The following MYLK variants were observed in gnomAD, a reference collection of about 807,000 sequenced individuals.
MYLK encodes the protein myosin light chain kinase.
In MYLK, 106 loss-of-function variants were observed where a neutral mutation model predicts 203.4. The ratio of observed to expected loss-of-function variants is 0.52; its 90% CI spans 0.45 to 0.61. The LOEUF is 0.61. Ranked by LOEUF, MYLK falls within the 20% of genes least tolerant of loss-of-function variation. MYLK has a pLI of 0.00. For missense variants in MYLK, 2,072 were observed against 2,442.3 expected (o/e 0.85, Z 3.20); for synonymous variants, 867 against 959.5 (o/e 0.90, Z 1.78).
At chr3:123,771,916 G>A (rs1036745386) in intron 4 of MYLK, among the ~76,000 whole-genome samples, 1 of 152,144 alleles carries the variant, frequency 6.6e-6, no homozygotes, top group Non-Finnish European at 1.5e-5. Context: ...TCTAATGAGT[G>A]GGTATCATTT....
intron 4 of MYLK, among the ~76,000 whole-genome samples, chr3:123,765,430 C>T (rs2063672163): frequency 6.6e-6 from 1 of 150,678 alleles, no homozygotes; most frequent in Non-Finnish European, 1.5e-5. Context: ...ACTTGGGAGG[C>T]AGAGGCAGGA....
intron 4 of MYLK, among the ~76,000 whole-genome samples, chr3:123,779,894 G>C (rs2109025511): frequency 6.6e-6 from 1 of 152,268 alleles, no homozygotes; most frequent in South Asian, 2.1e-4. Flanking sequence ...GCATGTAGAG[G>C]GTGTGGGAAG....
intron 2 of MYLK, among the ~76,000 whole-genome samples, chr3:123,851,483 G>C (rs1350306798): frequency 2.6e-5 from 4 of 152,216 alleles, no homozygotes; most frequent in African/African-American, 9.6e-5. Context: ...TGGATTCCTA[G>C]GTATTTTATT....
intron 2 of MYLK, among the ~76,000 whole-genome samples, chr3:123,856,404 G>A (rs571948943): frequency 2.6e-5 from 4 of 152,306 alleles, no homozygotes; most frequent in African/African-American, 9.6e-5. Context: ...AACAACAGGG[G>A]TTATTTCACA....
At chr3:123,876,120 C>G (rs2033135997) in intron 2 of MYLK, among the ~76,000 whole-genome samples, 1 of 151,994 alleles carries the variant, frequency 6.6e-6, no homozygotes, top group South Asian at 2.1e-4. Flanking sequence ...ATAGTTCAAT[C>G]TCACTTAGGA....
chr3:123,862,411 G>A lies in MYLK; in HGVS notation c.-127+14148C>T, dbSNP rs528107950. Among the ~76,000 whole-genome samples the A allele has an allele frequency of 7.2e-5, 11 of 152,280 alleles. No homozygotes were observed. The South Asian group carries it at 2.1e-3, about 29-fold the overall frequency. On this transcript the variant is annotated intron_variant, in intron 2 of 33. Coordinates refer to ENST00000360304, the MANE Select transcript of MYLK (RefSeq NM_053025.4). ...AATCCATTGTCTATTTTAATTCAGT[G>A]AGGTTGGTGTTATCTCTGTTTTACA...
chr3:123,825,973 T>A (rs2066103690), intron 3 of MYLK, among the ~76,000 whole-genome samples: 1 of 152,150 alleles, frequency 6.6e-6, no homozygotes, highest in African/African-American at 2.4e-5. Context: ...TGGCTATGCA[T>A]CCACACTCAG....
At chr3:123,677,913 A>ATATATATATATATC in intron 20 of MYLK, among the ~76,000 whole-genome samples, 1 of 104,762 alleles carries the variant, frequency 9.5e-6, no homozygotes, top group Non-Finnish European at 2.0e-5. Flanking sequence ...ATATATATAT[A>ATATATATATATATC]TATATACACA....
intron 4 of MYLK, among the ~76,000 whole-genome samples, chr3:123,790,954 G>T (rs186553584): frequency 3.9e-5 from 6 of 152,212 alleles, no homozygotes; most frequent in African/African-American, 1.4e-4. Context: ...ACCAGCCTGG[G>T]TCCAAGAAGT....
chr3:123,823,555 C>G (rs1484555866), intron 3 of MYLK, among the ~76,000 whole-genome samples: 1 of 152,168 alleles, frequency 6.6e-6, no homozygotes, highest in Admixed American at 6.5e-5. Context: ...TCCCCTCCAC[C>G]TCCACTGCCA....
At chr3:123,654,529 C>G (rs896202372) in intron 24 of MYLK, among the ~76,000 whole-genome samples, 1 of 152,020 alleles carries the variant, frequency 6.6e-6, no homozygotes, top group Non-Finnish European at 1.5e-5. Context: ...TACATTCTCA[C>G]CTACTGATCA....
chr3:123,707,714 G>A, intron 16 of MYLK, 40 bp downstream of exon 16: 1 of 1,613,638 alleles, frequency 6.2e-7, no homozygotes, highest in Non-Finnish European at 8.5e-7. Flanking sequence ...GGAATTTGGA[G>A]GGAAGGGTTA....
intron 4 of MYLK, among the ~76,000 whole-genome samples, chr3:123,789,780 T>A (rs2064702393): frequency 6.6e-6 from 1 of 151,908 alleles, no homozygotes; most frequent in African/African-American, 2.4e-5. Context: ...TGACTTCCTC[T>A]CATAAACCCT....
chr3:123,662,849 A>G (rs2059608942), intron 23 of MYLK, among the ~76,000 whole-genome samples: 1 of 152,326 alleles, frequency 6.6e-6, no homozygotes, highest in Non-Finnish European at 1.5e-5. Context: ...TGTCCTCCCC[A>G]AGGCCAGGTC....
At position 123,629,509 on chromosome 3, in the gene MYLK, C is replaced by T. The variant is rs141467675; in HGVS notation, c.5079G>A (p.Lys1693=). 2,007 of 1,614,210 alleles carry T rather than the reference C, an allele frequency of 1.2e-3. 17 individuals are homozygous for T. The African/African-American group carries it at 0.017, about 14-fold the overall frequency. The change falls in exon 30 of 34, where the codon AAG becomes AAA. Residue 1693 remains lysine (K), a synonymous_variant. Transcript: ENST00000360304. This position sits in a 1 kb window ranked among gnomAD's most constrained non-coding sequence, Gnocchi z 4.4. ...EAFDEISDDA[K]DFISNLLKKD... is the part of the protein sequence containing the mutation. ...TCTTCAGCAGATTGCTGATGAAATC[C>T]TTGGCATCGTCGGAGATCTCATCGA...
At chr3:123,619,751 T>C (rs1248451822) in intron 32 of MYLK, among the ~76,000 whole-genome samples, 1 of 152,146 alleles carries the variant, frequency 6.6e-6, no homozygotes, top group African/African-American at 2.4e-5. Flanking sequence ...TGCCAAAGAA[T>C]GTGGACCATA....
chr3:123,844,690 G>A (rs2066669233), intron 2 of MYLK, among the ~76,000 whole-genome samples: 1 of 152,068 alleles, frequency 6.6e-6, no homozygotes, highest in Non-Finnish European at 1.5e-5. Flanking sequence ...TCTTCCCTCA[G>A]AAGCAGACAG....
Position 123,640,142 on chromosome 3 carries a change from T to G in MYLK, c.4837+145A>C, listed in dbSNP as rs2058780095. 3 of 744,814 alleles carry G rather than the reference T, an allele frequency of 4.0e-6. No homozygotes were observed. Among genetic ancestry groups the G allele is most frequent in the Non-Finnish European group, 7.0e-6 (3 of 427,368 alleles). 46.1% of individuals were successfully genotyped at this position (744,814 alleles called of 1,614,324 possible). ...GAGGCTTACTGTCACGTCTAGTATG[T>G]GGTAGGGGCAGGATTCAAACCTGGG... On this transcript the variant is annotated intron_variant, in intron 28 of 33. Transcript: ENST00000360304. The surrounding 1 kb of genome is among the most constrained non-coding windows in gnomAD (Gnocchi z 4.3).
chr3:123,832,689 C>T (rs2066370375), intron 2 of MYLK, among the ~76,000 whole-genome samples: 1 of 152,170 alleles, frequency 6.6e-6, no homozygotes, highest in Non-Finnish European at 1.5e-5. Flanking sequence ...TTTTGCTCTT[C>T]TGTCTTCTGC....
Sources: gnomAD v4.1 joint callset for allele counts (sites outside exome capture counted in the v4.1 genomes callset) on GRCh38, gnomAD v4.1.1 for gene constraint, Gnocchi (gnomAD v3.1) non-coding constraint, MANE v1.5 for transcripts, NCBI Gene and HGNC (gene_info 2026-07-23, HGNC 2026-07-21) for gene names.